Variants in LZIC observed in about 807,000 individuals in gnomAD.
The protein encoded by LZIC is protein LZIC.
Under a neutral mutation model 25.4 loss-of-function variants are expected in LZIC, and 28 were observed. The observed-to-expected ratio is 1.10, with a 90% CI of 0.82 to 1.51. LZIC has a LOEUF of 1.51. LZIC is among the 40% of genes most tolerant of loss of function. LZIC has a pLI of 0.00. For missense variants in LZIC, 170 were observed against 211.1 expected (o/e 0.81, Z 1.21); for synonymous variants, 65 against 70.7 (o/e 0.92, Z 0.40).
intron 7 of LZIC, 31 bp from the exon 8 acceptor site, chr1:9,930,488 G>C (rs777514290): frequency 1.2e-6 from 2 of 1,610,130 alleles, no homozygotes; most frequent in South Asian, 1.1e-5. Context: ...TAAACAAAAA[G>C]ATTATTTCAA....
chr1:9,938,904 AGTAGGG>A (rs1640570961), intron 2 of LZIC, among the ~76,000 whole-genome samples: 2 of 152,208 alleles, frequency 1.3e-5, no homozygotes, highest in African/African-American at 4.8e-5. Flanking sequence ...TATGCTTTGA[AGTAGGG>A]GTCTAACTTT....
chr1:9,934,474 C>T, intron 5 of LZIC, among the ~76,000 whole-genome samples: 1 of 152,152 alleles, frequency 6.6e-6, no homozygotes, highest in East Asian at 1.9e-4. Context: ...AGCAATGCTG[C>T]TAATTAATTC....
At chr1:9,934,670 C>T (rs1640376364) in intron 5 of LZIC, 92 bp downstream of exon 5, 1 of 1,065,714 alleles carries the variant, frequency 9.4e-7, no homozygotes, top group South Asian at 1.4e-5. Context: ...TCTAAAATCA[C>T]CTGGCAAATT....
At chr1:9,925,227 G>T (rs925100142), downstream of LZIC, among the ~76,000 whole-genome samples, 1 of 151,824 alleles carries the variant, frequency 6.6e-6, no homozygotes, top group Non-Finnish European at 1.5e-5. Flanking sequence ...TCAGGAGGCT[G>T]AGGCAGGAGA....
In LZIC at chr1:9,927,234, G is replaced by A. The variant is rs1570621736; in HGVS notation, c.*3165C>T. ...AAATGAACACATTAATGTGATAATT[G>A]ACAAAATATTTCAGATGCTGGACTT... On this transcript the variant is annotated 3_prime_UTR_variant, in exon 8 of 8. Coordinates refer to ENST00000377223, the MANE Select transcript of LZIC (RefSeq NM_032368.5). Among the ~76,000 whole-genome samples, 1 of 152,270 alleles carries A rather than the reference G, an allele frequency of 6.6e-6. No individual in the cohort carries two copies. Among genetic ancestry groups the A allele is most frequent in the East Asian group, 1.9e-4 (1 of 5,188 alleles).
chr1:9,930,450 T>G lies in LZIC; in HGVS notation c.522A>C (p.Gly174=). The change falls in exon 8 of 8, where the codon GGA becomes GGC. Residue 174 remains glycine, a synonymous_variant. Transcript: ENST00000377223. ...FEKVSTDLGS[G]DKILALASFE... is the part of the protein sequence containing the mutation. ...AACTTGCCAGAGCAAGAATTTTGTC[T>G]CCAGAGCCTAAGAAAAAAGACACAT... 6.2e-7 allele frequency: 1 copy of G among 1,613,832 alleles called. No homozygotes were observed. The highest frequency in any genetic ancestry group is 8.5e-7 in the Non-Finnish European group (1 of 1,179,898).
At chr1:9,931,800 A>G (rs1640222945) in intron 7 of LZIC, 91 bp downstream of exon 7, 4 of 775,246 alleles carry the variant, frequency 5.2e-6, no homozygotes, top group Non-Finnish European at 8.3e-6. Context: ...AGGAAAGGTT[A>G]TTATGTTATT....
chr1:9,924,357 A>AT (rs759239667), downstream of LZIC, among the ~76,000 whole-genome samples: 1 of 141,448 alleles, frequency 7.1e-6, no homozygotes, highest in Non-Finnish European at 1.6e-5. Context: ...TATTTTATTT[A>AT]TTTATTTATT....
chr1:9,930,133 C>T lies in LZIC; in HGVS notation c.*266G>A. 1 of 1,207,060 alleles carries T rather than the reference C, an allele frequency of 8.3e-7. No individual in the cohort carries two copies. The highest frequency in any genetic ancestry group is 1.0e-6 in the Non-Finnish European group (1 of 965,510). 74.8% of individuals were successfully genotyped at this position (1,207,060 alleles called of 1,614,324 possible). On this transcript the variant is annotated 3_prime_UTR_variant, in exon 8 of 8. Transcript: ENST00000377223. ...AAAAATCAAGTCCACTTTGTTTTCT[C>T]TCTTAAACAGACAAATCATAACGAA...
rs558052290 is a variant in LZIC, at chr1:9,927,919, C to G, written c.*2480G>C. Among the ~76,000 whole-genome samples, 2 of 151,938 alleles carry G rather than the reference C, an allele frequency of 1.3e-5. No homozygotes were observed. The highest frequency in any genetic ancestry group is 2.9e-5 in the Non-Finnish European group (2 of 68,004). On this transcript the variant is annotated 3_prime_UTR_variant, in exon 8 of 8. Coordinates refer to ENST00000377223, the MANE Select transcript of LZIC (RefSeq NM_032368.5). The stretch of plus-strand genomic sequence containing the variant: ...TGAGCTCCTGATCTTGTGATCCGCC[C>G]GCCTTGGCCTCCTGAAGTGCTGGGA...
chr1:9,922,286 A>T (rs1023040128), downstream of LZIC: 1 of 985,140 alleles, frequency 1.0e-6, no homozygotes, highest in African/African-American at 1.7e-5. Flanking sequence ...CAGGAAGCTA[A>T]TCTTGCTGGG....
In LZIC at chr1:9,935,642, C is replaced by T. The variant is rs751060127; in HGVS notation, c.102-15G>A. On this transcript the variant is annotated splice_polypyrimidine_tract_variant and intron_variant, in intron 3 of 7. Transcript: ENST00000377223. ...CAAGTTCCTCTCTGAAATAGGTGAA[C>T]ATCATGATATGGAAAAATGAAGAGT... is the stretch of plus-strand genomic sequence containing the variant. The T allele has an allele frequency of 1.3e-6, 2 of 1,582,756 alleles. No individual in the cohort carries two copies. The highest frequency in any genetic ancestry group is 1.7e-6 in the Non-Finnish European group (2 of 1,170,944).
Position 9,929,294 on chromosome 1 carries a change from G to A in LZIC, c.*1105C>T, listed in dbSNP as rs1640115545. The A allele has an allele frequency of 1.0e-6, 1 of 983,336 alleles. No individual in the cohort carries two copies. The allele number at this position is 983,336 out of a possible 1,614,324, so 60.9% of individuals were successfully genotyped here. A position where few individuals can be genotyped will look rare whatever the true frequency, so the allele number is the denominator to read the frequency against. Reference sequence around the variant, plus strand: ...ACAGTACAGAAGAAGCTTTAAAAATGCTTTTAATTTGTATAAAGTGCAAAG... The same window carrying A: ...ACAGTACAGAAGAAGCTTTAAAAATACTTTTAATTTGTATAAAGTGCAAAG... On this transcript the variant is annotated 3_prime_UTR_variant, in exon 8 of 8. Transcript: ENST00000377223.
At chr1:9,936,774 G>C in intron 2 of LZIC, 147 bp from the exon 3 acceptor site, 2 of 615,716 alleles carry the variant, frequency 3.2e-6, no homozygotes, top group Non-Finnish European at 5.7e-6. Flanking sequence ...TCCCATCTTG[G>C]ACTACCAAAG....
intron 7 of LZIC, among the ~76,000 whole-genome samples, chr1:9,930,689 A>T (rs1316623403): frequency 6.6e-6 from 1 of 151,394 alleles, no homozygotes; most frequent in African/African-American, 2.4e-5. Context: ...TATTCTAGCT[A>T]TGAAATATAA....
In LZIC at chr1:9,927,913, T is replaced by A. The variant is rs1457567251; in HGVS notation, c.*2486A>T. ...TGGTCTTGAGCTCCTGATCTTGTGA[T>A]CCGCCCGCCTTGGCCTCCTGAAGTG... On this transcript the variant is annotated 3_prime_UTR_variant, in exon 8 of 8. Coordinates refer to ENST00000377223, the MANE Select transcript of LZIC (RefSeq NM_032368.5). Among the ~76,000 whole-genome samples, 1 of 151,920 alleles carries A rather than the reference T, an allele frequency of 6.6e-6. No homozygotes were observed. The highest frequency in any genetic ancestry group is 1.5e-5 in the Non-Finnish European group (1 of 67,974).
intron 2 of LZIC, among the ~76,000 whole-genome samples, chr1:9,939,080 T>C (rs1021298474): frequency 6.6e-6 from 1 of 151,966 alleles, no homozygotes; most frequent in Non-Finnish European, 1.5e-5. Flanking sequence ...TCCTAAGGAA[T>C]CACTTCTTTT....
chr1:9,939,911 G>A (rs1343313442), intron 2 of LZIC, among the ~76,000 whole-genome samples: 2 of 152,062 alleles, frequency 1.3e-5, no homozygotes, highest in African/African-American at 2.4e-5. Context: ...TTGAGACCAG[G>A]AGTTACAGAC....
chr1:9,932,906 G>A lies in LZIC; in HGVS notation c.337-8C>T, dbSNP rs200663833. The A allele has an allele frequency of 2.8e-5, 43 of 1,548,068 alleles. No homozygotes were observed. The East Asian group carries it at 4.5e-4, about 16-fold the overall frequency. On this transcript the variant is annotated splice_polypyrimidine_tract_variant and splice_region_variant and intron_variant, in intron 5 of 7. Transcript: ENST00000377223. ...CATCAGATCTCTATCCATCTAAAAC[G>A]TATGAATGCAAGGCATATGTTACTT... is the stretch of plus-strand genomic sequence containing the variant.
Sources: gnomAD v4.1 joint callset for allele counts (sites outside exome capture counted in the v4.1 genomes callset) on GRCh38, gnomAD v4.1.1 for gene constraint, MANE v1.5 for transcripts, NCBI Gene and HGNC (gene_info 2026-07-23, HGNC 2026-07-21) for gene names.